The following CSMD1 variants were observed in gnomAD, a reference collection of about 807,000 sequenced individuals.
CSMD1 encodes CUB and sushi domain-containing protein 1.
Under a neutral mutation model 417.5 loss-of-function variants are expected in CSMD1, and 213 were observed. That is an observed-to-expected ratio of 0.51 (90% CI 0.46 to 0.57). The LOEUF is 0.57. CSMD1 is among the 20% of genes least tolerant of loss of function. The pLI is 0.00. For synonymous variants in CSMD1, 2,862 were observed against 1,736.8 expected, an observed-to-expected ratio of 1.65 and a Z score of -16.11; for missense variants, 6,923 against 4,529.7, an observed-to-expected ratio of 1.53 and a Z score of -15.17.
chr8:3,271,708 T>C (rs1373902483), intron 26 of CSMD1, among the ~76,000 whole-genome samples: 1 of 152,224 alleles, frequency 6.6e-6, no homozygotes, highest in African/African-American at 2.4e-5. Flanking sequence ...TCATGTGTTT[T>C]TTGGCTGCAT....
intron 1 of CSMD1, among the ~76,000 whole-genome samples, chr8:4,850,118 C>T (rs528603417): frequency 6.6e-6 from 1 of 152,184 alleles, no homozygotes; most frequent in South Asian, 2.1e-4. Context: ...ATTGCATTCC[C>T]CTGATGCCTA....
At chr8:4,321,900 G>A (rs926883005) in intron 3 of CSMD1, among the ~76,000 whole-genome samples, 2 of 151,902 alleles carry the variant, frequency 1.3e-5, no homozygotes, top group Admixed American at 6.6e-5. Flanking sequence ...TGATTTATTA[G>A]ACTTTTGCCT....
intron 3 of CSMD1, among the ~76,000 whole-genome samples, chr8:4,068,039 C>T (rs111706141): frequency 6.6e-6 from 1 of 152,006 alleles, no homozygotes; most frequent in Admixed American, 6.6e-5. Context: ...CGAGATCATG[C>T]CACTGCACTC....
chr8:3,381,774 A>C (rs1232937198), intron 18 of CSMD1, among the ~76,000 whole-genome samples: 2 of 152,190 alleles, frequency 1.3e-5, no homozygotes, highest in Admixed American at 6.5e-5. Context: ...GAAAAATAAA[A>C]AATCTCACTG....
intron 5 of CSMD1, among the ~76,000 whole-genome samples, chr8:3,770,489 A>T (rs1798508331): frequency 6.6e-6 from 1 of 152,170 alleles, no homozygotes; most frequent in African/African-American, 2.4e-5. Context: ...AGATCACACC[A>T]CTGCACCCCA....
chr8:3,481,661 T>C (rs1459506764), intron 11 of CSMD1, among the ~76,000 whole-genome samples: 3 of 152,114 alleles, frequency 2.0e-5, no homozygotes, highest in Admixed American at 1.3e-4. Flanking sequence ...ACCACTAGTA[T>C]CCATATAAGA....
chr8:2,997,026 T>A (rs985069191), intron 54 of CSMD1, among the ~76,000 whole-genome samples: 1 of 152,204 alleles, frequency 6.6e-6, no homozygotes, highest in African/African-American at 2.4e-5. Context: ...CCTCCTCTGG[T>A]CAGGGGCTGG....
In CSMD1 at chr8:3,982,698, G is replaced by T. The variant is rs151261431; in HGVS notation, c.818+15205C>A. 2.6e-3 allele frequency among the ~76,000 whole-genome samples: 400 copies of T among 152,146 alleles called. 3 individuals are homozygous for T. The highest frequency in any genetic ancestry group is 9.3e-3 in the African/African-American group (386 of 41,544). Reference sequence around the variant, plus strand: ...GGGTGGCGGACCGGAAGCCTCATAAGATCAGGAGGCAGAGGGAAGCACCCG... The same window carrying T: ...GGGTGGCGGACCGGAAGCCTCATAATATCAGGAGGCAGAGGGAAGCACCCG... On this transcript the variant is annotated intron_variant, in intron 5 of 69. Coordinates refer to ENST00000635120, the MANE Select transcript of CSMD1 (RefSeq NM_033225.6).
intron 2 of CSMD1, among the ~76,000 whole-genome samples, chr8:4,580,262 G>A (rs1038518287): frequency 1.5e-4 from 23 of 152,150 alleles, no homozygotes; most frequent in African/African-American, 5.6e-4. Flanking sequence ...GCTCTCGGCT[G>A]TGGTCATCAC....
At chr8:3,052,097 G>C (rs1168778298) in intron 50 of CSMD1, among the ~76,000 whole-genome samples, 1 of 152,146 alleles carries the variant, frequency 6.6e-6, no homozygotes, top group Non-Finnish European at 1.5e-5. Flanking sequence ...GAAAGATTGT[G>C]TTACATTATG....
At chr8:4,960,379 T>A (rs536979596) in intron 1 of CSMD1, among the ~76,000 whole-genome samples, 1 of 152,266 alleles carries the variant, frequency 6.6e-6, no homozygotes, top group South Asian at 2.1e-4. Flanking sequence ...ATGATGTAAA[T>A]TTGAGAGAGC....
intron 7 of CSMD1, among the ~76,000 whole-genome samples, chr8:3,676,431 A>G (rs1418901126): frequency 6.6e-6 from 1 of 152,208 alleles, no homozygotes; most frequent in African/African-American, 2.4e-5. Flanking sequence ...GCACCCGATA[A>G]ATGCTAACAT....
chr8:4,899,194 C>A (rs1804701828), intron 1 of CSMD1, among the ~76,000 whole-genome samples: 1 of 152,122 alleles, frequency 6.6e-6, no homozygotes, highest in Non-Finnish European at 1.5e-5. Context: ...GGGTATATGT[C>A]CTATCGGAAG....
chr8:4,355,368 A>G (rs1383525308), intron 3 of CSMD1, among the ~76,000 whole-genome samples: 2 of 151,870 alleles, frequency 1.3e-5, no homozygotes, highest in African/African-American at 4.8e-5. Context: ...ACACACACAA[A>G]ACTCTACAAA....
At chr8:4,927,887 C>T (rs998419123) in intron 1 of CSMD1, among the ~76,000 whole-genome samples, 2 of 152,178 alleles carry the variant, frequency 1.3e-5, no homozygotes, top group East Asian at 3.9e-4. Context: ...CCAAAGATCC[C>T]ACCTTGTCAT....
chr8:3,789,956 C>G (rs1346074339), intron 5 of CSMD1, among the ~76,000 whole-genome samples: 1 of 152,104 alleles, frequency 6.6e-6, no homozygotes, highest in Non-Finnish European at 1.5e-5. Context: ...TGGTCTCGAT[C>G]TCCTGACCTT....
rs144981355 is a variant in CSMD1, at chr8:4,265,354, C to G, written c.415+154599G>C. Reference sequence around the variant, plus strand: ...CAGCATTTTGGTGAATGATCTGTCTCTGCACAGTATCATTTGACATGTTAC... The same window carrying G: ...CAGCATTTTGGTGAATGATCTGTCTGTGCACAGTATCATTTGACATGTTAC... On this transcript the variant is annotated intron_variant, in intron 3 of 69. Coordinates refer to ENST00000635120, the MANE Select transcript of CSMD1 (RefSeq NM_033225.6). Among the ~76,000 whole-genome samples, 940 of 107,946 alleles carry G rather than the reference C, an allele frequency of 8.7e-3. 204 individuals carry two copies. The highest frequency in any genetic ancestry group is 0.028 in the Middle Eastern group (5 of 178). The allele number at this position is 107,946 out of a possible 152,430, so 70.8% of individuals were successfully genotyped here.
At chr8:4,588,189 C>A (rs753307066) in intron 2 of CSMD1, among the ~76,000 whole-genome samples, 2 of 151,834 alleles carry the variant, frequency 1.3e-5, no homozygotes, top group Non-Finnish European at 2.9e-5. Context: ...TTTTCTTAGG[C>A]ATATATTTAA....
rs193030448 is a variant in CSMD1, at chr8:4,677,164, G to A, written c.86-39606C>T. ...ATAATATATACATTATATCTCTATC[G>A]GATTTTATCATTTATATGGTCAGGT... On this transcript the variant is annotated intron_variant, in intron 1 of 69. Coordinates refer to ENST00000635120, the MANE Select transcript of CSMD1 (RefSeq NM_033225.6). 9.4e-4 allele frequency among the ~76,000 whole-genome samples: 138 copies of A among 147,504 alleles called. 1 individual carries two copies. The highest frequency in any genetic ancestry group is 3.9e-3 in the Middle Eastern group (1 of 254).
Sources: gnomAD v4.1 joint callset for allele counts (sites outside exome capture counted in the v4.1 genomes callset) on GRCh38, gnomAD v4.1.1 for gene constraint, MANE v1.5 for transcripts, NCBI Gene and HGNC (gene_info 2026-07-23, HGNC 2026-07-21) for gene names.